The following TMEM132D variants were observed in gnomAD, a reference collection of about 807,000 sequenced individuals.
TMEM132D encodes the protein transmembrane protein 132D, also known as mature OL transmembrane protein.
Under a neutral mutation model 62.3 loss-of-function variants are expected in TMEM132D, and 21 were observed. That is an observed-to-expected ratio of 0.34 (90% CI 0.24 to 0.49). The LOEUF (loss-of-function observed/expected upper bound fraction) is 0.49, where lower values mean the gene tolerates loss of function less well. Ranked by LOEUF, TMEM132D falls within the 20% of genes least tolerant of loss-of-function variation. TMEM132D has a pLI of 0.99. For synonymous variants in TMEM132D, 621 were observed against 575.6 expected (o/e 1.08, Z -1.13); for missense variants, 1,346 against 1,402.8 (o/e 0.96, Z 0.65).
At chr12:129,873,524 C>T (rs966207520) in intron 1 of TMEM132D, among the ~76,000 whole-genome samples, 5 of 152,208 alleles carry the variant, frequency 3.3e-5, no homozygotes, top group African/African-American at 1.2e-4. Context: ...TTTTTAAAAT[C>T]CCAGTTCTTT....
intron 5 of TMEM132D, among the ~76,000 whole-genome samples, chr12:129,131,785 T>C (rs933775295): frequency 1.3e-5 from 2 of 152,202 alleles, no homozygotes; most frequent in African/African-American, 4.8e-5. Context: ...TGAACTTCAG[T>C]AAAACCTGTT....
intron 1 of TMEM132D, among the ~76,000 whole-genome samples, chr12:129,835,059 C>A (rs528389011): frequency 6.6e-6 from 1 of 152,270 alleles, no homozygotes; most frequent in South Asian, 2.1e-4. Flanking sequence ...GACACATGCC[C>A]ACATGGCCAT....
chr12:129,355,872 C>T (rs1017318740), intron 3 of TMEM132D, among the ~76,000 whole-genome samples: 3 of 152,188 alleles, frequency 2.0e-5, no homozygotes, highest in Non-Finnish European at 4.4e-5. Flanking sequence ...GGGGCCCTCA[C>T]GCAGAGTCCG....
intron 3 of TMEM132D, among the ~76,000 whole-genome samples, chr12:129,394,757 A>G (rs11060313): frequency 0.2 from 29,994 of 152,188 alleles, 4,177 homozygotes; most frequent in East Asian, 0.45. Flanking sequence ...CACATACTGT[A>G]TGATTTCATT....
At chr12:129,403,682 G>A (rs1871686982) in intron 3 of TMEM132D, among the ~76,000 whole-genome samples, 1 of 152,052 alleles carries the variant, frequency 6.6e-6, no homozygotes, top group Admixed American at 6.5e-5. Flanking sequence ...GAGCAACAAG[G>A]CCCCTGCTAC....
chr12:129,758,632 T>C (rs764644298), intron 1 of TMEM132D, among the ~76,000 whole-genome samples: 1 of 152,212 alleles, frequency 6.6e-6, no homozygotes, highest in Non-Finnish European at 1.5e-5. Flanking sequence ...ATATCATAGG[T>C]AGTGCCAATT....
rs114757516 is a variant in TMEM132D at position 129,108,859 on chromosome 12, C to T, written c.1444-24157G>A. The stretch of plus-strand genomic sequence containing the variant: ...ACTCATATACCCAATGCCTCGCTTC[C>T]GTAAGTGACATTCTGCTGTGTTTGC... On this transcript the variant is annotated intron_variant, in intron 5 of 8. Transcript: ENST00000422113. 7.6e-3 allele frequency among the ~76,000 whole-genome samples: 1,163 copies of T among 152,276 alleles called. 12 individuals carry two copies. The highest frequency in any genetic ancestry group is 0.027 in the African/African-American group (1,109 of 41,564).
intron 1 of TMEM132D, among the ~76,000 whole-genome samples, chr12:129,817,810 CTGTG>C (rs1350816177): frequency 8.7e-6 from 1 of 114,582 alleles, no homozygotes; most frequent in Non-Finnish European, 1.8e-5. Context: ...GTGGGGGGGT[CTGTG>C]TGTGTATCTG....
At chr12:129,555,965 C>T (rs915994991) in intron 2 of TMEM132D, among the ~76,000 whole-genome samples, 1 of 152,158 alleles carries the variant, frequency 6.6e-6, no homozygotes, top group Non-Finnish European at 1.5e-5. Context: ...ACATACACAT[C>T]AAATTTGACA....
At chr12:129,361,079 G>C (rs1226350890) in intron 3 of TMEM132D, among the ~76,000 whole-genome samples, 1 of 152,116 alleles carries the variant, frequency 6.6e-6, no homozygotes, top group Non-Finnish European at 1.5e-5. Flanking sequence ...CATATTCAAA[G>C]GGATGTCCAC....
chr12:129,077,886 CAA>C (rs981761979), intron 8 of TMEM132D, among the ~76,000 whole-genome samples: 8 of 148,096 alleles, frequency 5.4e-5, no homozygotes, highest in African/African-American at 2.0e-4. Context: ...CACAGACACA[CAA>C]AAACAACATA....
At chr12:129,607,071 C>CTTTCT (rs528440775) in intron 2 of TMEM132D, among the ~76,000 whole-genome samples, 4 of 143,078 alleles carry the variant, frequency 2.8e-5, no homozygotes, top group East Asian at 4.0e-4. Context: ...TTCTTTCTTT[C>CTTTCT]TTTTTTTTTT....
intron 2 of TMEM132D, among the ~76,000 whole-genome samples, chr12:129,679,315 A>AAGATATGT (rs1203152842): frequency 6.6e-6 from 1 of 152,082 alleles, no homozygotes; most frequent in Non-Finnish European, 1.5e-5. Flanking sequence ...TGTTATAATC[A>AAGATATGT]AGATATGTTT....
In TMEM132D at chr12:129,423,638, T is replaced by TA. The variant is rs1277508131; in HGVS notation, c.1116-85822dup. ...CAAGATGCTGTTCAGGTAGGCATTC[T>TA]ATGACGGGAAAGGGAAGCGCTTGTA... On this transcript the variant is annotated intron_variant, in intron 3 of 8. Coordinates refer to ENST00000422113, the MANE Select transcript of TMEM132D (RefSeq NM_133448.3). Among the ~76,000 whole-genome samples, 4 of 152,170 alleles carry TA rather than the reference T, an allele frequency of 2.6e-5. No individual in the cohort carries two copies. In the East Asian group the frequency reaches 7.7e-4, roughly 29 times the overall value.
At chr12:129,497,396 C>T (rs1203643809) in intron 3 of TMEM132D, among the ~76,000 whole-genome samples, 2 of 152,142 alleles carry the variant, frequency 1.3e-5, no homozygotes, top group African/African-American at 2.4e-5. Flanking sequence ...GATAAGTGGC[C>T]CCTGCTCCAC....
chr12:129,156,746 T>C (rs1877258901), intron 5 of TMEM132D, among the ~76,000 whole-genome samples: 1 of 151,452 alleles, frequency 6.6e-6, no homozygotes, highest in Non-Finnish European at 1.5e-5. Context: ...ACCAAATCAC[T>C]TCCATGATAA....
chr12:129,710,726 A>G (rs989550447), intron 1 of TMEM132D, among the ~76,000 whole-genome samples: 4 of 152,226 alleles, frequency 2.6e-5, no homozygotes, highest in Non-Finnish European at 5.9e-5. Flanking sequence ...TGTAAGACAA[A>G]CTAGGTCCAG....
chr12:129,088,591 G>A (rs1449905406), intron 5 of TMEM132D, among the ~76,000 whole-genome samples: 5 of 31,862 alleles, frequency 1.6e-4, no homozygotes, highest in South Asian at 1.1e-3. Context: ...CATGACCGGG[G>A]TGTCCTCCAT....
At chr12:129,354,140 C>T (rs1178263748) in intron 3 of TMEM132D, among the ~76,000 whole-genome samples, 1 of 152,024 alleles carries the variant, frequency 6.6e-6, no homozygotes, top group Non-Finnish European at 1.5e-5. Context: ...GGACCCTGTC[C>T]TTCAGGGCTG....
Sources: allele counts gnomAD v4.1 joint callset (sites outside exome capture counted in the v4.1 genomes callset), GRCh38; gene constraint gnomAD v4.1.1; transcripts MANE v1.5; gene names NCBI Gene and HGNC (gene_info 2026-07-23, HGNC 2026-07-21).